Variants in NEK5 observed in about 807,000 individuals in gnomAD.
NEK5 encodes NIMA related kinase 5.
A neutral mutation model predicts 109.2 loss-of-function variants in NEK5; 88 were observed. That is an observed-to-expected ratio of 0.81 (90% CI 0.68 to 0.96). The LOEUF (loss-of-function observed/expected upper bound fraction) is 0.96, where lower values mean the gene tolerates loss of function less well. Ranked by LOEUF, NEK5 falls within the 40% of genes least tolerant of loss-of-function variation. The probability of loss-of-function intolerance (pLI) is 0.00; values close to 1 mark genes in which losing one functional copy is unlikely to be tolerated. For missense variants in NEK5, 834 were observed against 920.7 expected (o/e 0.91, Z 1.22); for synonymous variants, 283 against 299.9 (o/e 0.94, Z 0.58).
intron 11 of NEK5, 75 bp from the exon 12 acceptor site, chr13:52,099,951 T>C (rs1955497269): frequency 1.7e-6 from 2 of 1,160,112 alleles, no homozygotes; most frequent in Non-Finnish European, 2.5e-6. Context: ...TGTAAGAGTA[T>C]AAACATAAGC....
At chr13:52,083,815 C>A (rs1026891009) in intron 16 of NEK5, among the ~76,000 whole-genome samples, 1 of 152,166 alleles carries the variant, frequency 6.6e-6, no homozygotes, top group Non-Finnish European at 1.5e-5. Context: ...GGATTACAGG[C>A]GTGAGCTACC....
intron 16 of NEK5, among the ~76,000 whole-genome samples, chr13:52,085,589 C>A (rs1459634267): frequency 6.6e-6 from 1 of 152,198 alleles, no homozygotes; most frequent in Non-Finnish European, 1.5e-5. Flanking sequence ...ACAGCTGTCT[C>A]AGTGCCTGCA....
chr13:52,092,710 A>G (rs1485206495), intron 13 of NEK5, among the ~76,000 whole-genome samples: 2 of 151,948 alleles, frequency 1.3e-5, no homozygotes, highest in African/African-American at 4.8e-5. Context: ...ACATGGTGAA[A>G]CCCTGTCTTT....
intron 22 of NEK5, 68 bp downstream of exon 22, chr13:52,061,751 T>C: frequency 1.6e-6 from 1 of 634,420 alleles, no homozygotes; most frequent in Non-Finnish European, 2.0e-6. Context: ...TTATCCCCTT[T>C]CAGCATTTGC....
chr13:52,041,069 G>T (rs1455139406), intron 23 of NEK5, among the ~76,000 whole-genome samples: 1 of 152,068 alleles, frequency 6.6e-6, no homozygotes, highest in Non-Finnish European at 1.5e-5. Flanking sequence ...AGGTATACAG[G>T]AAGAGGCAGG....
At chr13:52,103,294 G>C (rs949011012) in intron 9 of NEK5, among the ~76,000 whole-genome samples, 1 of 152,188 alleles carries the variant, frequency 6.6e-6, no homozygotes, top group Non-Finnish European at 1.5e-5. Flanking sequence ...AGCCGGGTGT[G>C]GTGGTGGGTG....
chr13:52,064,002 G>T (rs1485061382), intron 21 of NEK5, among the ~76,000 whole-genome samples: 1 of 142,896 alleles, frequency 7.0e-6, no homozygotes, highest in Non-Finnish European at 1.5e-5. Flanking sequence ...GAGGTGGGGG[G>T]GGGGGTCAGC....
At chr13:52,040,741 T>G (rs1954406033) in intron 23 of NEK5, among the ~76,000 whole-genome samples, 1 of 152,136 alleles carries the variant, frequency 6.6e-6, no homozygotes, top group Admixed American at 6.5e-5. Flanking sequence ...AAATCCAACA[T>G]TTATCCCTCC....
At chr13:52,079,331 G>C (rs940159385) in intron 17 of NEK5, among the ~76,000 whole-genome samples, 5 of 85,744 alleles carry the variant, frequency 5.8e-5, no homozygotes, top group Non-Finnish European at 1.1e-4. Context: ...CTCTTTCCAC[G>C]GTCTCCCTCT....
At position 52,035,262 on chromosome 13, in the gene NEK5, C is replaced by A. The variant is rs181615266; in HGVS notation, c.*1686G>T. ...AACATCAGGAAATAGTCACAAAAAACTGGATGTACCTCAGGTGACTCCTAA... is the reference window on the plus strand; with the variant it reads ...AACATCAGGAAATAGTCACAAAAAAATGGATGTACCTCAGGTGACTCCTAA... On this transcript the variant is annotated 3_prime_UTR_variant, in exon 24 of 24. Coordinates refer to ENST00000684899, the MANE Select transcript of NEK5 (RefSeq NM_001365552.1). 1 of 152,334 alleles carries A rather than the reference C, an allele frequency of 6.6e-6. No homozygotes were observed. The highest frequency in any genetic ancestry group is 1.9e-4 in the East Asian group (1 of 5,188). 9.4% of individuals were successfully genotyped at this position (152,334 alleles called of 1,614,324 possible).
chr13:52,040,342 C>T (rs1954403182), intron 23 of NEK5, among the ~76,000 whole-genome samples: 1 of 152,128 alleles, frequency 6.6e-6, no homozygotes, highest in South Asian at 2.1e-4. Flanking sequence ...ACCTCAGCCT[C>T]CCAAAGTGCT....
At chr13:52,083,598 G>A (rs1352844747) in intron 16 of NEK5, among the ~76,000 whole-genome samples, 1 of 151,166 alleles carries the variant, frequency 6.6e-6, no homozygotes, top group African/African-American at 2.4e-5. Context: ...GTGCAGTGGT[G>A]CGATCTTGGC....
chr13:52,055,947 A>G (rs1268594258), intron 22 of NEK5, among the ~76,000 whole-genome samples: 1 of 152,092 alleles, frequency 6.6e-6, no homozygotes, highest in Non-Finnish European at 1.5e-5. Flanking sequence ...ACACATAACA[A>G]TATTAACTTT....
At chr13:52,063,996 TGGGG>T (rs367747989) in intron 21 of NEK5, among the ~76,000 whole-genome samples, 3 of 97,840 alleles carry the variant, frequency 3.1e-5, no homozygotes, top group South Asian at 4.1e-4. Context: ...GGGAGGGAGG[TGGGG>T]GGGGGGGTCA....
chr13:52,082,869 A>G lies in NEK5; in HGVS notation c.1572+391T>C, dbSNP rs150494622. Among the ~76,000 whole-genome samples, 486 of 152,238 alleles carry G rather than the reference A, an allele frequency of 3.2e-3. 3 individuals are homozygous for G. Among genetic ancestry groups the G allele is most frequent in the African/African-American group, 0.011 (437 of 41,544 alleles). On this transcript the variant is annotated intron_variant, in intron 17 of 23. Transcript: ENST00000684899. ...CATCTGAGTTTTTAAAAGTTCTGGT[A>G]AAAAGGCGGTGGCTCATGCCTATAA...
At chr13:52,073,332 T>C (rs1954812538) in intron 19 of NEK5, among the ~76,000 whole-genome samples, 2 of 151,948 alleles carry the variant, frequency 1.3e-5, no homozygotes, top group Non-Finnish European at 2.9e-5. Context: ...TTTTTTTTTT[T>C]TGAGACAGTG....
intron 22 of NEK5, among the ~76,000 whole-genome samples, chr13:52,060,276 T>C (rs572444155): frequency 2.0e-5 from 3 of 152,222 alleles, no homozygotes; most frequent in Non-Finnish European, 2.9e-5. Context: ...TATTATAAAA[T>C]GTGTATTCAT....
chr13:52,037,739 C>T (rs1034735453), intron 23 of NEK5, among the ~76,000 whole-genome samples: 2 of 152,006 alleles, frequency 1.3e-5, no homozygotes, highest in Admixed American at 6.6e-5. Flanking sequence ...CTGGCTAACA[C>T]GGTGAAACCC....
Position 52,036,808 on chromosome 13 carries a change from C to T in NEK5, c.*140G>A, listed in dbSNP as rs971212904. 1.1e-5 allele frequency: 3 copies of T among 267,628 alleles called. No individual in the cohort carries two copies. Among genetic ancestry groups the T allele is most frequent in the African/African-American group, 6.9e-5 (3 of 43,382 alleles). The allele number at this position is 267,628 out of a possible 1,614,324, so 16.6% of individuals were successfully genotyped here. ...TTAATGGCTATATTCAAAAGTTCTA[C>T]TTCCTAAATTGAAAGAAAAATTAAT... On this transcript the variant is annotated 3_prime_UTR_variant, in exon 24 of 24. Coordinates refer to ENST00000684899, the MANE Select transcript of NEK5 (RefSeq NM_001365552.1).
Sources: gnomAD v4.1 joint callset for allele counts (sites outside exome capture counted in the v4.1 genomes callset) on GRCh38, gnomAD v4.1.1 for gene constraint, MANE v1.5 for transcripts, NCBI Gene and HGNC (gene_info 2026-07-23, HGNC 2026-07-21) for gene names.